Variants in GREB1L observed in about 807,000 individuals in gnomAD.
GREB1L encodes GREB1 like retinoic acid receptor coactivator.
A neutral mutation model predicts 200.8 loss-of-function variants in GREB1L; 17 were observed. That is an observed-to-expected ratio of 0.08 (90% confidence interval 0.06 to 0.13). The LOEUF (loss-of-function observed/expected upper bound fraction) is 0.13, where lower values mean the gene tolerates loss of function less well. Among genes scored for constraint, GREB1L ranks in the 10% least tolerant of loss-of-function variants. The pLI is 1.00. For missense variants in GREB1L, 1,657 were observed against 2,367.7 expected (o/e 0.70, Z 6.23); for synonymous variants, 789 against 893.0 (o/e 0.88, Z 2.08).
In GREB1L at chr18:21,490,321, T is replaced by A. The variant is rs2036281778; in HGVS notation, c.3000T>A (p.Ser1000Arg). 3.2e-6 allele frequency: 5 copies of A among 1,551,690 alleles called. No individual in the cohort carries two copies. The African/African-American group carries it at 6.8e-5, about 21-fold the overall frequency. Residue 1000 changes from serine (S) to arginine (R), a missense_variant, in exon 19 of 33, where the codon AGT (serine) becomes AGA (arginine). Coordinates refer to ENST00000424526, the MANE Select transcript of GREB1L (RefSeq NM_001142966.3). ...IILGNPATEL[S>R]VATHFVARLK... is the part of the protein sequence containing the mutation. Reference sequence around the variant, plus strand: ...TTGGGAACCCGGCCACCGAACTCAGTGTTGCAACTCACTTTGTGGCGCGAT... The same window carrying A: ...TTGGGAACCCGGCCACCGAACTCAGAGTTGCAACTCACTTTGTGGCGCGAT...
chr18:21,469,546 T>C (rs1003488456), intron 15 of GREB1L, among the ~76,000 whole-genome samples: 1 of 152,236 alleles, frequency 6.6e-6, no homozygotes, highest in Non-Finnish European at 1.5e-5. Context: ...ATTCCTTGTA[T>C]TGAAGAATGG....
intron 1 of GREB1L, among the ~76,000 whole-genome samples, chr18:21,343,353 G>T (rs915880414): frequency 3.3e-5 from 5 of 152,182 alleles, no homozygotes; most frequent in African/African-American, 1.2e-4. Context: ...TTTTAGAAAT[G>T]CTATGATCTC....
At chr18:21,477,800 C>A (rs1237199513) in intron 17 of GREB1L, among the ~76,000 whole-genome samples, 87 of 144,730 alleles carry the variant, frequency 6.0e-4, no homozygotes, top group South Asian at 3.6e-3. Context: ...AAAAAAAAAA[C>A]AAAAAACTAA....
At chr18:21,261,368 AT>A (rs2037887322) in intron 1 of GREB1L, among the ~76,000 whole-genome samples, 2 of 152,020 alleles carry the variant, frequency 1.3e-5, no homozygotes, top group African/African-American at 4.8e-5. Flanking sequence ...AAGCTCTGTA[AT>A]TTTGCTTTAT....
chr18:21,494,730 A>G (rs966644381), intron 19 of GREB1L, among the ~76,000 whole-genome samples: 7 of 152,216 alleles, frequency 4.6e-5, no homozygotes, highest in African/African-American at 1.7e-4. Flanking sequence ...CTAGAAAGGT[A>G]GTAAAAAGTA....
At chr18:21,481,832 G>C (rs56012987) in intron 17 of GREB1L, among the ~76,000 whole-genome samples, 31,065 of 151,926 alleles carry the variant, frequency 0.2, 3,838 homozygotes, top group East Asian at 0.43. Flanking sequence ...TTTTTGCTCT[G>C]TGTGTGTGTT....
intron 1 of GREB1L, among the ~76,000 whole-genome samples, chr18:21,302,835 C>T (rs542479671): frequency 1.3e-5 from 2 of 152,248 alleles, no homozygotes; most frequent in African/African-American, 4.8e-5. Flanking sequence ...AATTCTCCTG[C>T]CTCAGCCTCA....
chr18:21,354,075 C>T (rs1451262423), intron 1 of GREB1L, among the ~76,000 whole-genome samples: 1 of 152,122 alleles, frequency 6.6e-6, no homozygotes, highest in Non-Finnish European at 1.5e-5. Flanking sequence ...AGGTGTGAGC[C>T]ACTGTACCCA....
intron 1 of GREB1L, among the ~76,000 whole-genome samples, chr18:21,289,221 A>G (rs1465866037): frequency 6.6e-6 from 1 of 152,034 alleles, no homozygotes; most frequent in East Asian, 1.9e-4. Context: ...TAGACCTACA[A>G]TGGTAAAAAT....
chr18:21,363,309 A>G (rs1373639282), intron 1 of GREB1L, among the ~76,000 whole-genome samples: 1 of 24,560 alleles, frequency 4.1e-5, no homozygotes, highest in Non-Finnish European at 7.9e-5. Flanking sequence ...CCACACACAC[A>G]AGAACTCCTC....
At chr18:21,425,654 C>T (rs1313898311) in intron 7 of GREB1L, among the ~76,000 whole-genome samples, 2 of 152,182 alleles carry the variant, frequency 1.3e-5, no homozygotes, top group East Asian at 3.8e-4. Context: ...TGTTGAGCAT[C>T]TTGTCATGTG....
intron 1 of GREB1L, among the ~76,000 whole-genome samples, chr18:21,312,898 T>A (rs2038814820): frequency 6.6e-6 from 1 of 152,140 alleles, no homozygotes; most frequent in Admixed American, 6.6e-5. Context: ...TCATTGTGGT[T>A]TTGATTTGCA....
intron 7 of GREB1L, among the ~76,000 whole-genome samples, chr18:21,426,185 T>A (rs2032557946): frequency 6.6e-6 from 1 of 151,602 alleles, no homozygotes; most frequent in African/African-American, 2.4e-5. Context: ...GCCTCCTGAG[T>A]AGCTGGGACT....
chr18:21,351,486 T>C (rs527801761), intron 1 of GREB1L, among the ~76,000 whole-genome samples: 3 of 151,510 alleles, frequency 2.0e-5, no homozygotes, highest in African/African-American at 7.3e-5. Context: ...GGCAGGAGAA[T>C]CACTTGAATC....
intron 27 of GREB1L, among the ~76,000 whole-genome samples, chr18:21,510,387 C>A (rs2037191925): frequency 1.3e-5 from 2 of 152,116 alleles, no homozygotes; most frequent in Admixed American, 6.6e-5. Context: ...CAGCGTCTGG[C>A]AGCCACCATT....
intron 27 of GREB1L, among the ~76,000 whole-genome samples, chr18:21,510,250 AAAGTGTTAAAGTTCAG>A (rs1249071419): frequency 2.0e-5 from 3 of 152,022 alleles, no homozygotes; most frequent in Admixed American, 6.6e-5. Context: ...TAATACTTCT[AAAGTGTTAAAGTTCAG>A]AAGTGTTAAG....
chr18:21,507,822 C>T (rs2037077043), intron 25 of GREB1L, among the ~76,000 whole-genome samples: 1 of 152,204 alleles, frequency 6.6e-6, no homozygotes, highest in Non-Finnish European at 1.5e-5. Context: ...CTGACCTCTG[C>T]ACAGGATGAA....
chr18:21,400,812 A>AAT (rs2041286721), intron 5 of GREB1L, among the ~76,000 whole-genome samples: 1 of 152,154 alleles, frequency 6.6e-6, no homozygotes, highest in South Asian at 2.1e-4. Flanking sequence ...GGGAAGAAAT[A>AAT]ATAGACATTC....
intron 25 of GREB1L, among the ~76,000 whole-genome samples, chr18:21,507,746 T>C (rs945065696): frequency 1.3e-5 from 2 of 152,174 alleles, no homozygotes; most frequent in Admixed American, 6.6e-5. Flanking sequence ...AGAGCAGAAG[T>C]GTTTCCCTCC....
Sources: gnomAD v4.1 joint callset for allele counts (sites outside exome capture counted in the v4.1 genomes callset) on GRCh38, gnomAD v4.1.1 for gene constraint, MANE v1.5 for transcripts, NCBI Gene and HGNC (gene_info 2026-07-23, HGNC 2026-07-21) for gene names.